The following CCDC85C variants were observed in gnomAD, a reference collection of about 807,000 sequenced individuals.
The protein encoded by CCDC85C is coiled-coil domain-containing protein 85C.
In CCDC85C, 18 loss-of-function variants were observed where a neutral mutation model predicts 38.3. The observed-to-expected ratio is 0.47, with a 90% CI of 0.33 to 0.70. CCDC85C has a LOEUF of 0.70. Ranked by LOEUF, CCDC85C falls within the 30% of genes least tolerant of loss-of-function variation. CCDC85C has a pLI of 0.03. For missense variants in CCDC85C, 566 were observed against 621.2 expected (o/e 0.91, Z 0.94); for synonymous variants, 264 against 293.8 (o/e 0.90, Z 1.04).
In CCDC85C at chr14:99,516,674, G is replaced by A. The variant is rs936531804; in HGVS notation, c.1072-388C>T. ...TCATGGGGCACGTACGTAGGAGGAA[G>A]GGGGGCATGGGAGTGGGGACTGTGC... On this transcript the variant is annotated intron_variant, in intron 4 of 5. Transcript: ENST00000380243. The surrounding 1 kb of genome is among the most constrained non-coding windows in gnomAD (Gnocchi z 5.5). 9.9e-5 allele frequency among the ~76,000 whole-genome samples: 15 copies of A among 152,100 alleles called. No individual in the cohort carries two copies. Among genetic ancestry groups the A allele is most frequent in the African/African-American group, 3.6e-4 (15 of 41,396 alleles).
chr14:99,577,080 A>C (rs893989152), intron 1 of CCDC85C, among the ~76,000 whole-genome samples: 3 of 151,954 alleles, frequency 2.0e-5, no homozygotes, highest in Admixed American at 1.3e-4. Flanking sequence ...ACGGGGCTGC[A>C]TGGAGCTGGG....
chr14:99,562,760 CGT>C (rs35146737), intron 1 of CCDC85C, among the ~76,000 whole-genome samples: 85,627 of 151,766 alleles, frequency 0.56, 24,851 homozygotes, highest in African/African-American at 0.71. Context: ...CATGCACACA[CGT>C]GTGTACAAAT....
At position 99,544,275 on chromosome 14, in the gene CCDC85C, C is replaced by T. The variant is rs910034248; in HGVS notation, c.794-8187G>A. On this transcript the variant is annotated intron_variant, in intron 1 of 5. Transcript: ENST00000380243. The surrounding 1 kb of genome is among the most constrained non-coding windows in gnomAD (Gnocchi z 5.3). ...CAGCCAAGGCTCTCTCCATCTAACT[C>T]GCAGCTTCCACACCAACCCCGGGGT... is the stretch of plus-strand genomic sequence containing the variant. Among the ~76,000 whole-genome samples, 3 of 152,110 alleles carry T rather than the reference C, an allele frequency of 2.0e-5. No individual in the cohort carries two copies. The highest frequency in any genetic ancestry group is 2.0e-4 in the Admixed American group (3 of 15,274).
chr14:99,500,896 T>C lies in CCDC85C; in HGVS notation c.*14350A>G. 1 of 1,337,598 alleles carries C rather than the reference T, an allele frequency of 7.5e-7. No homozygotes were observed. The highest frequency in any genetic ancestry group is 1.5e-5 in the African/African-American group (1 of 67,724). The allele number at this position is 1,337,598 out of a possible 1,614,324, so 82.9% of individuals were successfully genotyped here. ...GGTAAGAAGAAAGTTTTCAGAAGAA[T>C]TTTTTCATTCTGAAATCAAGTCTTT... On this transcript the variant is annotated 3_prime_UTR_variant, in exon 6 of 6. Coordinates refer to ENST00000380243, the MANE Select transcript of CCDC85C (RefSeq NM_001144995.2).
chr14:99,592,454 C>A (rs543631801), intron 1 of CCDC85C, among the ~76,000 whole-genome samples: 9 of 152,278 alleles, frequency 5.9e-5, no homozygotes, highest in African/African-American at 7.2e-5. Context: ...CAGCCCAGGG[C>A]GATGTTTTCC....
At chr14:99,556,032 T>C (rs1898004091) in intron 1 of CCDC85C, among the ~76,000 whole-genome samples, 2 of 152,244 alleles carry the variant, frequency 1.3e-5, no homozygotes, top group African/African-American at 4.8e-5. Context: ...TCAATGCAGT[T>C]GGAAAAATGT....
intron 1 of CCDC85C, among the ~76,000 whole-genome samples, chr14:99,578,896 A>T (rs2054933753): frequency 6.6e-6 from 1 of 150,852 alleles, no homozygotes; most frequent in Non-Finnish European, 1.5e-5. Flanking sequence ...TGACAGGTGG[A>T]TGTGGTCCGT....
In CCDC85C at chr14:99,542,548, G is replaced by A. The variant is rs540288844; in HGVS notation, c.794-6460C>T. Among the ~76,000 whole-genome samples the A allele has an allele frequency of 7.9e-5, 12 of 152,318 alleles. No homozygotes were observed. In the South Asian group the frequency reaches 2.5e-3, roughly 32 times the overall value. ...GATGAAGAAACTGAGGGTCAAGGAG[G>A]CAAAGTGGCAGCCACAGACCCAGGG... On this transcript the variant is annotated intron_variant, in intron 1 of 5. Transcript: ENST00000380243.
chr14:99,583,804 T>C (rs1430522881), intron 1 of CCDC85C, among the ~76,000 whole-genome samples: 1 of 133,252 alleles, frequency 7.5e-6, no homozygotes, highest in Non-Finnish European at 1.5e-5. Context: ...CAAGGCTCTG[T>C]CTTAAAAAAA....
chr14:99,510,203 G>A lies in CCDC85C; in HGVS notation c.*5043C>T, dbSNP rs374556013. On this transcript the variant is annotated 3_prime_UTR_variant, in exon 6 of 6. Coordinates refer to ENST00000380243, the MANE Select transcript of CCDC85C (RefSeq NM_001144995.2). ...CTGCCTTAGGTGAGGCTGAGCCGCC[G>A]GGCCCTGTGGATGCCACTGACCTCC... is the stretch of plus-strand genomic sequence containing the variant. The A allele has an allele frequency of 1.9e-5, 30 of 1,596,944 alleles. No individual in the cohort carries two copies. Among genetic ancestry groups the A allele is most frequent in the African/African-American group, 8.0e-5 (6 of 74,600 alleles).
intron 1 of CCDC85C, among the ~76,000 whole-genome samples, chr14:99,547,230 C>A (rs568870485): frequency 7.9e-5 from 12 of 152,072 alleles, no homozygotes; most frequent in Non-Finnish European, 1.8e-4. Context: ...ACAAAAACTT[C>A]GGCTTTTCTT....
rs760711188 is a variant in CCDC85C, at chr14:99,509,902, T to C, written c.*5344A>G. The C allele has an allele frequency of 9.0e-6, 5 of 556,654 alleles. No homozygotes were observed. The Admixed American group carries it at 1.7e-4, about 19-fold the overall frequency. The allele number at this position is 556,654 out of a possible 1,614,324, so 34.5% of individuals were successfully genotyped here. ...GGCTTCGGGTGCTGCCGAGACTGCCTGTAGGTGGTGTGGTCAGGGCTGAGG... is the reference window on the plus strand; with the variant it reads ...GGCTTCGGGTGCTGCCGAGACTGCCCGTAGGTGGTGTGGTCAGGGCTGAGG... On this transcript the variant is annotated 3_prime_UTR_variant, in exon 6 of 6. Transcript: ENST00000380243.
Position 99,547,834 on chromosome 14 carries a change from G to A in CCDC85C, c.794-11746C>T, listed in dbSNP as rs527738279. Among the ~76,000 whole-genome samples the A allele has an allele frequency of 5.3e-5, 8 of 150,910 alleles. No individual in the cohort carries two copies. The South Asian group carries it at 1.7e-3, about 32-fold the overall frequency. Reference sequence around the variant, plus strand: ...CTTTCATATATATTTATGGGTATATGTGTGTGTGTATATACACATATATAT... The same window carrying A: ...CTTTCATATATATTTATGGGTATATATGTGTGTGTATATACACATATATAT... On this transcript the variant is annotated intron_variant, in intron 1 of 5. Coordinates refer to ENST00000380243, the MANE Select transcript of CCDC85C (RefSeq NM_001144995.2).
chr14:99,517,294 AAG>A, intron 3 of CCDC85C, 111 bp from the exon 4 acceptor site: 1 of 835,090 alleles, frequency 1.2e-6, no homozygotes, highest in Non-Finnish European at 1.8e-6. Context: ...GCAGGAGGAA[AAG>A]GGGACCGGGG....
At position 99,509,918 on chromosome 14, in the gene CCDC85C, A is replaced by G; in HGVS notation, c.*5328T>C. 3.4e-6 allele frequency: 2 copies of G among 582,288 alleles called. No individual in the cohort carries two copies. The highest frequency in any genetic ancestry group is 4.1e-5 in the South Asian group (2 of 48,324). 36.1% of individuals were successfully genotyped at this position (582,288 alleles called of 1,614,324 possible). ...GAGACTGCCTGTAGGTGGTGTGGTC[A>G]GGGCTGAGGGAGGGAAAACCCCAGG... On this transcript the variant is annotated 3_prime_UTR_variant, in exon 6 of 6. Transcript: ENST00000380243.
At chr14:99,591,436 C>T (rs1357733842) in intron 1 of CCDC85C, among the ~76,000 whole-genome samples, 4 of 152,158 alleles carry the variant, frequency 2.6e-5, no homozygotes, top group East Asian at 1.9e-4. Flanking sequence ...GAGGCTGCCA[C>T]GGCTCCCACG....
intron 2 of CCDC85C, among the ~76,000 whole-genome samples, chr14:99,530,520 G>T (rs1897472150): frequency 6.6e-6 from 1 of 152,160 alleles, no homozygotes; most frequent in Non-Finnish European, 1.5e-5. Flanking sequence ...TCCTCCTAGG[G>T]ACACAGAACT....
At chr14:99,536,136 A>G (rs12882209) in intron 1 of CCDC85C, 48 bp from the exon 2 acceptor site, 1,326,856 of 1,327,852 alleles carry the variant, frequency 1, 662,935 homozygotes, top group South Asian at 1. Flanking sequence ...AGCAGACTCC[A>G]TCCCCATTGC....
At chr14:99,568,246 C>T (rs1433721891) in intron 1 of CCDC85C, among the ~76,000 whole-genome samples, 7 of 114,488 alleles carry the variant, frequency 6.1e-5, no homozygotes, top group Admixed American at 1.0e-4. Context: ...GCCACCTGCC[C>T]TTTATTTTTT....
Sources: gnomAD v4.1 joint callset for allele counts (sites outside exome capture counted in the v4.1 genomes callset) on GRCh38, gnomAD v4.1.1 for gene constraint, Gnocchi (gnomAD v3.1) non-coding constraint, MANE v1.5 for transcripts, NCBI Gene and HGNC (gene_info 2026-07-23, HGNC 2026-07-21) for gene names.